The following DNAI7 variants were observed in gnomAD, a reference collection of about 807,000 sequenced individuals.
The protein encoded by DNAI7 is dynein axonemal intermediate chain 7.
A neutral mutation model predicts 86.6 loss-of-function variants in DNAI7; 78 were observed. That is an observed-to-expected ratio of 0.90 (90% CI 0.75 to 1.09). DNAI7 has a LOEUF of 1.09. Ranked by LOEUF, DNAI7 falls within the 50% of genes least tolerant of loss-of-function variation. The pLI is 0.00. For synonymous variants in DNAI7, 274 were observed against 273.0 expected (o/e 1.00, Z -0.04); for missense variants, 753 against 810.2 (o/e 0.93, Z 0.86).
chr12:25,166,343 T>C (rs1299627015), intron 2 of DNAI7, among the ~76,000 whole-genome samples: 1 of 151,990 alleles, frequency 6.6e-6, no homozygotes, highest in Non-Finnish European at 1.5e-5. Flanking sequence ...ACCCATACAC[T>C]CTCCTATCCT....
intron 6 of DNAI7, among the ~76,000 whole-genome samples, chr12:25,153,543 G>A (rs79287067): frequency 0.1 from 15,957 of 152,194 alleles, 1,304 homozygotes; most frequent in East Asian, 0.25. Context: ...AATTTTTCCT[G>A]TTATCCATAA....
chr12:25,137,645 GA>G (rs1301136438), intron 9 of DNAI7, among the ~76,000 whole-genome samples: 1 of 152,100 alleles, frequency 6.6e-6, no homozygotes, highest in African/African-American at 2.4e-5. Flanking sequence ...TTGTCTCCAA[GA>G]GACTCATCTA....
intron 2 of DNAI7, among the ~76,000 whole-genome samples, chr12:25,187,876 C>T (rs1950175111): frequency 2.1e-5 from 3 of 139,968 alleles, no homozygotes; most frequent in Admixed American, 7.6e-5. Context: ...GAAAGACAAA[C>T]AATCCCACAA....
chr12:25,144,156 C>T (rs530275303), intron 9 of DNAI7, among the ~76,000 whole-genome samples: 3 of 152,184 alleles, frequency 2.0e-5, no homozygotes, highest in African/African-American at 7.2e-5. Context: ...CTGTGCTGAA[C>T]TTTAGGATGT....
chr12:25,178,348 G>C (rs1020254205), intron 2 of DNAI7, among the ~76,000 whole-genome samples: 2 of 151,936 alleles, frequency 1.3e-5, no homozygotes, highest in African/African-American at 4.8e-5. Flanking sequence ...CTGGCTATTT[G>C]TCTAATTCAT....
chr12:25,120,549 C>G (rs1191478966), intron 11 of DNAI7, among the ~76,000 whole-genome samples: 1 of 139,488 alleles, frequency 7.2e-6, no homozygotes, highest in African/African-American at 2.5e-5. Context: ...GGTGAAACCC[C>G]GTCTCTACTA....
downstream of DNAI7, chr12:25,107,077 C>T: frequency 7.6e-7 from 1 of 1,314,770 alleles, no homozygotes; most frequent in Admixed American, 1.8e-5. Flanking sequence ...ATAAATTCTA[C>T]CATTTTAGTG....
intron 2 of DNAI7, among the ~76,000 whole-genome samples, chr12:25,176,985 C>T (rs1171600091): frequency 2.7e-5 from 4 of 150,768 alleles, no homozygotes; most frequent in East Asian, 3.9e-4. Flanking sequence ...TCACTACAAC[C>T]TCCACCTCCC....
intron 2 of DNAI7, among the ~76,000 whole-genome samples, chr12:25,189,096 G>A (rs1950287705): frequency 6.6e-6 from 1 of 152,158 alleles, no homozygotes. Flanking sequence ...TATAAATACT[G>A]AATACACTGT....
chr12:25,129,019 TAC>T (rs966117627), intron 9 of DNAI7, among the ~76,000 whole-genome samples: 11 of 152,318 alleles, frequency 7.2e-5, no homozygotes, highest in African/African-American at 2.6e-4. Flanking sequence ...CCAACTTTAT[TAC>T]ATACCACTTT....
chr12:25,112,751 C>T (rs974507563), intron 13 of DNAI7, among the ~76,000 whole-genome samples: 8 of 152,068 alleles, frequency 5.3e-5, no homozygotes, highest in Non-Finnish European at 1.2e-4. Flanking sequence ...TTTCATTTAA[C>T]CCAATATATC....
chr12:25,194,614 C>A (rs1353948462), intron 1 of DNAI7, among the ~76,000 whole-genome samples: 10 of 152,088 alleles, frequency 6.6e-5, no homozygotes, highest in Admixed American at 5.2e-4. Flanking sequence ...AGGATGAGAA[C>A]CTTGAATCAC....
At chr12:25,158,091 TG>T (rs940167635) in intron 4 of DNAI7, among the ~76,000 whole-genome samples, 1 of 152,028 alleles carries the variant, frequency 6.6e-6, no homozygotes, top group African/African-American at 2.4e-5. Context: ...TAGCCGGGTG[TG>T]GTGGCAGGCA....
intron 2 of DNAI7, among the ~76,000 whole-genome samples, chr12:25,165,917 TTAAAC>T (rs1248790445): frequency 1.3e-5 from 2 of 152,114 alleles, no homozygotes; most frequent in Non-Finnish European, 2.9e-5. Context: ...GCCGAGACAC[TTAAAC>T]TAAATTATCT....
At chr12:25,184,227 A>AT (rs1277157004) in intron 2 of DNAI7, among the ~76,000 whole-genome samples, 4 of 152,154 alleles carry the variant, frequency 2.6e-5, no homozygotes, top group African/African-American at 4.8e-5. Context: ...ATTTTAGAAC[A>AT]TTTTTCATCA....
intron 2 of DNAI7, among the ~76,000 whole-genome samples, chr12:25,180,885 C>T (rs1211600897): frequency 6.6e-6 from 1 of 152,114 alleles, no homozygotes; most frequent in African/African-American, 2.4e-5. Context: ...CGGCTCACTG[C>T]AACCTCTGCC....
At chr12:25,182,239 C>T (rs912625059) in intron 2 of DNAI7, among the ~76,000 whole-genome samples, 1 of 148,582 alleles carries the variant, frequency 6.7e-6, no homozygotes, top group Non-Finnish European at 1.5e-5. Flanking sequence ...CCCAGCTACT[C>T]GGGAGGCTGA....
Position 25,149,611 on chromosome 12 carries a change from C to T in DNAI7, c.585+17G>A. The T allele has an allele frequency of 1.9e-6, 3 of 1,567,870 alleles. No individual in the cohort carries two copies. Among genetic ancestry groups the T allele is most frequent in the Non-Finnish European group, 2.6e-6 (3 of 1,154,836 alleles). On this transcript the variant is annotated intron_variant, in intron 7 of 15. Coordinates refer to ENST00000395987, the MANE Select transcript of DNAI7 (RefSeq NM_018272.5). ...GCTCTTATAAAACTTAATATATAAG[C>T]AAAATATCACACTTACTTTGAGAAG...
At chr12:25,128,738 C>T (rs1453671050) in intron 9 of DNAI7, among the ~76,000 whole-genome samples, 2 of 152,158 alleles carry the variant, frequency 1.3e-5, no homozygotes, top group Non-Finnish European at 2.9e-5. Context: ...CAAACATATT[C>T]ATCTTTCTAT....
Sources: allele counts gnomAD v4.1 joint callset (sites outside exome capture counted in the v4.1 genomes callset), GRCh38; gene constraint gnomAD v4.1.1; transcripts MANE v1.5; gene names NCBI Gene and HGNC (gene_info 2026-07-23, HGNC 2026-07-21).